The following NXPH1 variants were observed in gnomAD, a reference collection of about 807,000 sequenced individuals.
NXPH1 encodes neurexophilin-1.
NXPH1 carries 5 observed loss-of-function variants against 23.7 expected under a neutral mutation model. The ratio of observed to expected loss-of-function variants is 0.21; its 90% CI spans 0.11 to 0.44. The LOEUF (loss-of-function observed/expected upper bound fraction) is 0.44. Among genes scored for constraint, NXPH1 ranks in the 20% least tolerant of loss-of-function variants. NXPH1 has a pLI of 0.99. For synonymous variants in NXPH1, 144 were observed against 122.2 expected, an observed-to-expected ratio of 1.18 and a Z score of -1.18; for missense variants, 324 against 321.6, an observed-to-expected ratio of 1.01 and a Z score of -0.06.
At chr7:8,502,419 A>G (rs1458416246) in intron 2 of NXPH1, among the ~76,000 whole-genome samples, 3 of 152,108 alleles carry the variant, frequency 2.0e-5, no homozygotes, top group Non-Finnish European at 1.5e-5. Flanking sequence ...AACATTCATA[A>G]AAGTGCATAT....
intron 2 of NXPH1, among the ~76,000 whole-genome samples, chr7:8,665,425 G>A (rs1032271651): frequency 5.9e-5 from 9 of 151,814 alleles, no homozygotes; most frequent in Non-Finnish European, 1.3e-4. Flanking sequence ...TAATTTTGTA[G>A]CATATTTTAA....
intron 2 of NXPH1, among the ~76,000 whole-genome samples, chr7:8,516,360 C>G (rs2128614841): frequency 6.6e-6 from 1 of 152,172 alleles, no homozygotes; most frequent in Middle Eastern, 3.4e-3. Context: ...AATCATCAAT[C>G]AATAAGAAAC....
intron 2 of NXPH1, among the ~76,000 whole-genome samples, chr7:8,489,777 G>A (rs1817218447): frequency 6.6e-6 from 1 of 151,996 alleles, no homozygotes; most frequent in African/African-American, 2.4e-5. Context: ...AATTCCCTTA[G>A]CTGGACATTT....
chr7:8,693,560 A>T (rs1033405656), intron 2 of NXPH1, among the ~76,000 whole-genome samples: 2 of 152,350 alleles, frequency 1.3e-5, no homozygotes, highest in Admixed American at 6.5e-5. Context: ...CTAAGGCAGG[A>T]CTAATATCTA....
At chr7:8,510,484 T>A (rs1817594032) in intron 2 of NXPH1, among the ~76,000 whole-genome samples, 1 of 152,046 alleles carries the variant, frequency 6.6e-6, no homozygotes, top group Non-Finnish European at 1.5e-5. Context: ...AATCTACATG[T>A]TCTGCACATA....
chr7:8,737,575 C>T (rs1780283797), intron 2 of NXPH1, among the ~76,000 whole-genome samples: 2 of 152,168 alleles, frequency 1.3e-5, no homozygotes, highest in Non-Finnish European at 2.9e-5. Flanking sequence ...TTTTTTCCTT[C>T]ATTTCAACCT....
At chr7:8,688,198 C>G (rs980272541) in intron 2 of NXPH1, among the ~76,000 whole-genome samples, 1 of 152,104 alleles carries the variant, frequency 6.6e-6, no homozygotes, top group Non-Finnish European at 1.5e-5. Context: ...CAAAGGGATG[C>G]TCTAGGATCT....
chr7:8,481,490 G>T (rs1006132894), intron 2 of NXPH1, among the ~76,000 whole-genome samples: 1 of 152,110 alleles, frequency 6.6e-6, no homozygotes, highest in Non-Finnish European at 1.5e-5. Flanking sequence ...AAACACAGAG[G>T]TCAGAAGTGA....
intron 2 of NXPH1, among the ~76,000 whole-genome samples, chr7:8,523,119 G>A (rs1335379468): frequency 6.6e-6 from 1 of 152,220 alleles, no homozygotes; most frequent in Non-Finnish European, 1.5e-5. Context: ...AATGATTGTT[G>A]GATGAGTGGA....
At chr7:8,671,132 T>C (rs561871930) in intron 2 of NXPH1, among the ~76,000 whole-genome samples, 3 of 152,362 alleles carry the variant, frequency 2.0e-5, no homozygotes, top group Non-Finnish European at 4.4e-5. Context: ...AAAATACTTC[T>C]GTACAAATAG....
intron 2 of NXPH1, among the ~76,000 whole-genome samples, chr7:8,721,144 T>A (rs981807033): frequency 6.6e-6 from 1 of 152,208 alleles, no homozygotes; most frequent in African/African-American, 2.4e-5. Flanking sequence ...TAAGATAATA[T>A]AATTTTCTTA....
At chr7:8,478,205 G>A (rs1275986650) in intron 2 of NXPH1, among the ~76,000 whole-genome samples, 1 of 152,028 alleles carries the variant, frequency 6.6e-6, no homozygotes, top group Non-Finnish European at 1.5e-5. Context: ...ACATGGTGTA[G>A]GTTTCTTAAC....
chr7:8,710,247 C>G (rs1332679911), intron 2 of NXPH1, among the ~76,000 whole-genome samples: 1 of 152,186 alleles, frequency 6.6e-6, no homozygotes, highest in East Asian at 1.9e-4. Context: ...GGTTGGGCAG[C>G]TTCCTGATTC....
intron 2 of NXPH1, among the ~76,000 whole-genome samples, chr7:8,725,147 G>T (rs1479943545): frequency 6.6e-6 from 1 of 152,178 alleles, no homozygotes; most frequent in Non-Finnish European, 1.5e-5. Context: ...AAATAGTGGT[G>T]TTTGATATTC....
At chr7:8,514,946 C>A (rs1365881952) in intron 2 of NXPH1, among the ~76,000 whole-genome samples, 1 of 152,072 alleles carries the variant, frequency 6.6e-6, no homozygotes, top group Non-Finnish European at 1.5e-5. Flanking sequence ...GCCCATATGT[C>A]TTCTGTCCCA....
At chr7:8,719,315 G>T (rs1779927816) in intron 2 of NXPH1, among the ~76,000 whole-genome samples, 2 of 152,278 alleles carry the variant, frequency 1.3e-5, no homozygotes, top group Admixed American at 1.3e-4. Context: ...AGTGCTCCAA[G>T]AGCTGATGAT....
intron 2 of NXPH1, among the ~76,000 whole-genome samples, chr7:8,472,714 A>T (rs1342198792): frequency 6.6e-6 from 1 of 152,178 alleles, no homozygotes; most frequent in Non-Finnish European, 1.5e-5. Context: ...TTGGTTTCAA[A>T]TTCTCCTTCT....
intron 2 of NXPH1, among the ~76,000 whole-genome samples, chr7:8,497,560 G>A (rs1424959150): frequency 6.6e-6 from 1 of 152,080 alleles, no homozygotes; most frequent in African/African-American, 2.4e-5. Flanking sequence ...CATTCTAACT[G>A]GTGTGAGATG....
intron 2 of NXPH1, among the ~76,000 whole-genome samples, chr7:8,736,432 T>G (rs1008723781): frequency 1.3e-5 from 2 of 152,192 alleles, no homozygotes; most frequent in Non-Finnish European, 2.9e-5. Flanking sequence ...CAGGTAGTTG[T>G]GCAGTTTTGA....
Sources: gnomAD v4.1 joint callset for allele counts (sites outside exome capture counted in the v4.1 genomes callset) on GRCh38, gnomAD v4.1.1 for gene constraint, MANE v1.5 for transcripts, NCBI Gene and HGNC (gene_info 2026-07-23, HGNC 2026-07-21) for gene names.